The following CNOT1 variants were observed in gnomAD, a reference collection of about 807,000 sequenced individuals.
The protein encoded by CNOT1 is CCR4-NOT transcription complex subunit 1, also known as CCR4-associated factor 1.
In CNOT1, 15 loss-of-function variants were observed where a neutral mutation model predicts 273.8. That is an observed-to-expected ratio of 0.05 (90% confidence interval 0.04 to 0.08). CNOT1 has a LOEUF of 0.08. CNOT1 is among the 10% of genes least tolerant of loss of function. The pLI is 1.00. For synonymous variants in CNOT1, 1,022 were observed against 1,005.5 expected (o/e 1.02, Z -0.31); for missense variants, 1,644 against 2,912.2 (o/e 0.56, Z 10.02).
Position 58,543,819 on chromosome 16 carries a change from C to T in CNOT1, c.4222G>A (p.Val1408Met). 1 of 1,614,138 alleles carries T rather than the reference C, an allele frequency of 6.2e-7. No individual in the cohort carries two copies. The highest frequency in any genetic ancestry group is 8.5e-7 in the Non-Finnish European group (1 of 1,180,024). Residue 1408 changes from valine to methionine, a missense_variant, in exon 31 of 49, where the codon GTG (valine) becomes ATG (methionine). Val to Met is a conservative substitution (Grantham distance 21). Transcript: ENST00000317147. Reference sequence around the variant, plus strand: ...GCAATCTTAATTGATCGATCCACCACAGGATGGACCAGCTCCTGGACAGCC... The same window carrying T: ...GCAATCTTAATTGATCGATCCACCATAGGATGGACCAGCTCCTGGACAGCC... ...ERAVQELVHP[V>M]VDRSIKIAMT...
intron 16 of CNOT1, among the ~76,000 whole-genome samples, chr16:58,573,667 G>C (rs1254384247): frequency 6.6e-6 from 1 of 151,672 alleles, no homozygotes; most frequent in Non-Finnish European, 1.5e-5. Context: ...ATTTTTAGTA[G>C]AGACAGGGTT....
At chr16:58,619,809 T>C (rs750571633) in intron 1 of CNOT1, among the ~76,000 whole-genome samples, 1 of 152,156 alleles carries the variant, frequency 6.6e-6, no homozygotes, top group Non-Finnish European at 1.5e-5. Context: ...AAAACCTTAT[T>C]TGCTTTGGTC....
At position 58,553,690 on chromosome 16, in the gene CNOT1, C is replaced by T. The variant is rs969132132; in HGVS notation, c.2970+92G>A. On this transcript the variant is annotated intron_variant, in intron 22 of 48. Coordinates refer to ENST00000317147, the MANE Select transcript of CNOT1 (RefSeq NM_016284.5). ...TGCCAATCATTAAGAAATCTTAATG[C>T]CATTACTATCAAGTCTACAAAAAAA... 29 of 1,412,226 alleles carry T rather than the reference C, an allele frequency of 2.1e-5. No individual in the cohort carries two copies. The African/African-American group carries it at 3.9e-4, about 19-fold the overall frequency. 87.5% of individuals were successfully genotyped at this position (1,412,226 alleles called of 1,614,324 possible).
intron 2 of CNOT1, among the ~76,000 whole-genome samples, chr16:58,591,515 G>A (rs1028455752): frequency 6.6e-6 from 1 of 152,082 alleles, no homozygotes. Flanking sequence ...GCAGTTTGTG[G>A]GGCTGAACTG....
intron 1 of CNOT1, among the ~76,000 whole-genome samples, chr16:58,613,252 T>C (rs2042960166): frequency 6.6e-6 from 1 of 151,980 alleles, no homozygotes; most frequent in East Asian, 1.9e-4. Flanking sequence ...CAGGCTGGTC[T>C]TGAACTCCTG....
chr16:58,579,456 T>C (rs2041578544), intron 12 of CNOT1, among the ~76,000 whole-genome samples: 1 of 152,156 alleles, frequency 6.6e-6, no homozygotes, highest in African/African-American at 2.4e-5. Flanking sequence ...TAATGGTATT[T>C]AAGCTTTATA....
intron 2 of CNOT1, 140 bp from the exon 3 acceptor site, chr16:58,589,046 A>G: frequency 8.6e-7 from 1 of 1,161,870 alleles, no homozygotes; most frequent in Admixed American, 2.9e-5. Context: ...AGTTAAAGGA[A>G]TTATTGATGG....
At chr16:58,617,297 G>A (rs922812596) in intron 1 of CNOT1, among the ~76,000 whole-genome samples, 2 of 151,964 alleles carry the variant, frequency 1.3e-5, no homozygotes, top group Non-Finnish European at 2.9e-5. Context: ...AGAGGTTGAG[G>A]CTACAGTGAG....
rs760910567 is a variant in CNOT1, at chr16:58,585,481, C to G, written c.663G>C (p.Val221=). The change falls in exon 8 of 49, where the codon GTG becomes GTC. Residue 221 remains valine, a synonymous_variant. Transcript: ENST00000317147. ...CAGGGTATAAAAGTGGTGCGAGCAC[C>G]ACGGGACAGCGTTCTTGGGGAAAAT... The part of the protein sequence containing the change: ...RRDFPQERCP[V]VLAPLLYPEK... 6.2e-7 allele frequency: 1 copy of G among 1,612,696 alleles called. No homozygotes were observed. The highest frequency in any genetic ancestry group is 8.5e-7 in the Non-Finnish European group (1 of 1,179,882).
At chr16:58,563,860 A>G (rs1188842912) in intron 16 of CNOT1, among the ~76,000 whole-genome samples, 1 of 152,242 alleles carries the variant, frequency 6.6e-6, no homozygotes, top group East Asian at 1.9e-4. Flanking sequence ...TTATTCTGAC[A>G]CATCCACTTC....
At chr16:58,596,009 T>C (rs1447523583) in intron 2 of CNOT1, among the ~76,000 whole-genome samples, 1 of 152,238 alleles carries the variant, frequency 6.6e-6, no homozygotes, top group Non-Finnish European at 1.5e-5. Flanking sequence ...GGGATGAAGG[T>C]ACCGCAAATG....
At chr16:58,553,482 T>TA (rs1415735742) in intron 22 of CNOT1, among the ~76,000 whole-genome samples, 1 of 151,466 alleles carries the variant, frequency 6.6e-6, no homozygotes, top group Non-Finnish European at 1.5e-5. Context: ...TTATCTAAGA[T>TA]AAAGATTCTC....
At chr16:58,560,483 A>G in intron 16 of CNOT1, 121 bp from the exon 17 acceptor site, 2 of 1,450,318 alleles carry the variant, frequency 1.4e-6, no homozygotes, top group Non-Finnish European at 1.8e-6. Flanking sequence ...CCCAGACTGG[A>G]GTGCAGTAGC....
chr16:58,622,897 C>T (rs61134565), intron 1 of CNOT1, among the ~76,000 whole-genome samples: 6,587 of 151,466 alleles, frequency 0.043, 421 homozygotes, highest in East Asian at 0.26. Context: ...TGTTAGATAG[C>T]GTCTTTGAAA....
chr16:58,627,403 CAAAAAAA>C (rs754338444), intron 1 of CNOT1, among the ~76,000 whole-genome samples: 3 of 65,168 alleles, frequency 4.6e-5, no homozygotes, highest in South Asian at 7.9e-4. Flanking sequence ...GACTCCATCT[CAAAAAAA>C]AAAAAAAAAA....
chr16:58,545,509 A>G lies in CNOT1; in HGVS notation c.4007-18T>C, dbSNP rs780151513. 15 of 1,612,794 alleles carry G rather than the reference A, an allele frequency of 9.3e-6. No individual in the cohort carries two copies. The Admixed American group carries it at 2.5e-4, about 27-fold the overall frequency. ...AGAAGTTGCTAAATGTCAAGTAATA[A>G]AAAGAGATTTAAAAAGTACATTTGT... On this transcript the variant is annotated intron_variant, in intron 29 of 48. Coordinates refer to ENST00000317147, the MANE Select transcript of CNOT1 (RefSeq NM_016284.5).
intron 36 of CNOT1, 26 bp from the exon 37 acceptor site, chr16:58,538,292 C>A: frequency 2.1e-6 from 2 of 931,954 alleles, no homozygotes; most frequent in South Asian, 2.6e-5. Flanking sequence ...TATCTTTACT[C>A]ATATAGGCTT....
Position 58,546,736 on chromosome 16 carries a change from G to T in CNOT1, c.3764C>A (p.Pro1255Gln). The T allele has an allele frequency of 6.2e-7, 1 of 1,613,840 alleles. No homozygotes were observed. Among genetic ancestry groups the T allele is most frequent in the Non-Finnish European group, 8.5e-7 (1 of 1,179,894 alleles). Residue 1255 changes from proline to glutamine, a missense_variant, in exon 28 of 49, where the codon CCA (proline) becomes CAA (glutamine). Physicochemically the swap from Pro to Gln is moderately conservative, Grantham distance 76. Around this residue, in one of 13 missense-constraint regions of CNOT1, gnomAD observed 124 missense variants for 289.3 expected, o/e 0.43. Coordinates refer to ENST00000317147, the MANE Select transcript of CNOT1 (RefSeq NM_016284.5). ...SSIRSVVFRP[P>Q]NPWTMAIMNV... ...CATAATTGCCATTGTCCAAGGGTTT[G>T]GTGGCCTAAAAACCTAAAGAAAAGC...
intron 2 of CNOT1, 143 bp downstream of exon 2, chr16:58,599,093 C>T: frequency 1.6e-6 from 1 of 628,128 alleles, no homozygotes. Context: ...AGCTCTTTTA[C>T]AGATGATGAT....
Sources: gnomAD v4.1 joint callset for allele counts (sites outside exome capture counted in the v4.1 genomes callset) on GRCh38, gnomAD v4.1.1 for gene constraint, gnomAD v4.1.1 regional missense constraint, MANE v1.5 for transcripts, NCBI Gene and HGNC (gene_info 2026-07-23, HGNC 2026-07-21) for gene names.